YY1: variants seen among roughly 807,000 people sequenced by gnomAD.
YY1 encodes the protein transcriptional repressor protein YY1.
Under a neutral mutation model 35.6 loss-of-function variants are expected in YY1, and 2 were observed. The observed-to-expected ratio is 0.06, with a 90% CI of 0.02 to 0.18. The LOEUF (loss-of-function observed/expected upper bound fraction) is 0.18, where lower values mean the gene tolerates loss of function less well. YY1 is among the 10% of genes least tolerant of loss of function. The pLI is 1.00. For synonymous variants in YY1, 268 were observed against 238.9 expected, an observed-to-expected ratio of 1.12 and a Z score of -1.12; for missense variants, 322 against 573.4, an observed-to-expected ratio of 0.56 and a Z score of 4.48.
rs554732655 is a variant in YY1, at chr14:100,268,918, G to A, written c.843-5780G>A. Among the ~76,000 whole-genome samples the A allele has an allele frequency of 3.9e-4, 60 of 152,338 alleles. 2 individuals carry two copies. In the South Asian group the frequency reaches 0.012, roughly 32 times the overall value. The stretch of plus-strand genomic sequence containing the variant: ...CCCTTTCTGGGATATTTGCAGATCT[G>A]TTGGTTAGAACTTCGGTTTACACAA... On this transcript the variant is annotated intron_variant, in intron 2 of 4. Transcript: ENST00000262238.
chr14:100,258,261 A>AG lies in YY1; in HGVS notation c.680-4038dup, dbSNP rs574022541. ...CCAGGCTAGAGGGATGGGCACGTGC[A>AG]GGGGGTGTCAGTAGGAGCAGGCAGC... On this transcript the variant is annotated intron_variant, in intron 1 of 4. Transcript: ENST00000262238. Among the ~76,000 whole-genome samples the AG allele has an allele frequency of 1.1e-3, 171 of 152,338 alleles. 1 individual carries two copies. The highest frequency in any genetic ancestry group is 3.4e-3 in the Middle Eastern group (1 of 294).
At position 100,277,817 on chromosome 14, in the gene YY1, C is replaced by T. The variant is rs1233777234; in HGVS notation, c.*217C>T. The T allele has an allele frequency of 5.3e-6, 3 of 565,334 alleles. No homozygotes were observed. The highest frequency in any genetic ancestry group is 2.2e-5 in the South Asian group (1 of 44,790). 35.0% of individuals were successfully genotyped at this position (565,334 alleles called of 1,614,324 possible). A position where few individuals can be genotyped will look rare whatever the true frequency, so the allele number is the denominator to read the frequency against. On this transcript the variant is annotated 3_prime_UTR_variant, in exon 5 of 5. Transcript: ENST00000262238. The surrounding 1 kb of genome is among the most constrained non-coding windows in gnomAD (Gnocchi z 5.6). ...GATGCTCTATCTTGCTCTGTAATCT[C>T]GTTTCAAAAACACAGTGTTTTTGTA...
intron 2 of YY1, among the ~76,000 whole-genome samples, chr14:100,268,543 G>A (rs1335423165): frequency 1.3e-5 from 2 of 151,930 alleles, no homozygotes; most frequent in African/African-American, 4.8e-5. Flanking sequence ...ATCCCAAATG[G>A]GTATTTTTGT....
rs1566765700 is a variant in YY1 at position 100,239,463 on chromosome 14, C to G, written c.219C>G (p.His73Gln). ...ACGGGCACGCCGGCCACCACCACCA[C>G]CACCATCACCACCACCACCACCCGC... ...GGHGHAGHHH[H>Q]HHHHHHHPPM... Residue 73 changes from histidine to glutamine, a missense_variant, in exon 1 of 5, where the codon CAC becomes CAG. By Grantham distance (24) the His-to-Gln change is conservative. Around this residue, in one of 4 missense-constraint regions of YY1, gnomAD observed 137 missense variants for 167.0 expected, o/e 0.82. Coordinates refer to ENST00000262238, the MANE Select transcript of YY1 (RefSeq NM_003403.5). 1.2e-6 allele frequency: 2 copies of G among 1,600,970 alleles called. No individual in the cohort carries two copies. The highest frequency in any genetic ancestry group is 3.4e-5 in the Admixed American group (2 of 59,180).
At chr14:100,240,778 A>G (rs1442860695) in intron 1 of YY1, among the ~76,000 whole-genome samples, 1 of 149,464 alleles carries the variant, frequency 6.7e-6, no homozygotes, top group East Asian at 1.9e-4. Context: ...ATTCTTAGTC[A>G]CTTACGTTTT....
rs1891336382 is a variant in YY1, at chr14:100,277,313, T to G, written c.1063-105T>G. On this transcript the variant is annotated intron_variant, in intron 4 of 4. Coordinates refer to ENST00000262238, the MANE Select transcript of YY1 (RefSeq NM_003403.5). The surrounding 1 kb of genome is among the most constrained non-coding windows in gnomAD (Gnocchi z 5.6). ...TCACCCAGGGCAGGAATGAAAAGTG[T>G]TTGGTAAAATAAATAGGCTGTTCTC... The G allele has an allele frequency of 7.2e-7, 1 of 1,385,382 alleles. No homozygotes were observed. Among genetic ancestry groups the G allele is most frequent in the Non-Finnish European group, 1.0e-6 (1 of 979,870 alleles). The allele number at this position is 1,385,382 out of a possible 1,614,324, so 85.8% of individuals were successfully genotyped here.
At chr14:100,271,485 T>G (rs189843160) in intron 2 of YY1, among the ~76,000 whole-genome samples, 5 of 152,284 alleles carry the variant, frequency 3.3e-5, no homozygotes, top group African/African-American at 1.2e-4. Context: ...TTAAAAAAAC[T>G]TGCTAACTGG....
rs57547470 is a variant in YY1 at position 100,278,133 on chromosome 14, TAA to T, written c.*544_*545del. 7.4e-5 allele frequency: 11 copies of T among 149,050 alleles called. No homozygotes were observed. Among genetic ancestry groups the T allele is most frequent in the African/African-American group, 2.5e-4 (10 of 40,396 alleles). 9.2% of individuals were successfully genotyped at this position (149,050 alleles called of 1,614,324 possible). Reference sequence around the variant, plus strand: ...TGCATACTTCAAAAGTATTTTCCTGTAAAAAAAAAAAAGTTATATAGGTTTTG... The same window carrying T: ...TGCATACTTCAAAAGTATTTTCCTGTAAAAAAAAAAGTTATATAGGTTTTG... On this transcript the variant is annotated 3_prime_UTR_variant, in exon 5 of 5. Coordinates refer to ENST00000262238, the MANE Select transcript of YY1 (RefSeq NM_003403.5).
chr14:100,248,420 C>T (rs1002111271), intron 1 of YY1, among the ~76,000 whole-genome samples: 1 of 152,066 alleles, frequency 6.6e-6, no homozygotes, highest in African/African-American at 2.4e-5. Flanking sequence ...CTGTACCCAG[C>T]CTACTCAATT....
At chr14:100,260,621 C>T (rs1169257845) in intron 1 of YY1, among the ~76,000 whole-genome samples, 11 of 150,946 alleles carry the variant, frequency 7.3e-5, no homozygotes, top group African/African-American at 9.7e-5. Context: ...TACAGGTGCC[C>T]GCCACCACGC....
At chr14:100,256,171 AT>A (rs1390226331) in intron 1 of YY1, among the ~76,000 whole-genome samples, 1 of 151,928 alleles carries the variant, frequency 6.6e-6, no homozygotes, top group African/African-American at 2.4e-5. Flanking sequence ...TATGCCAGTG[AT>A]TCTCACAGAT....
intron 1 of YY1, among the ~76,000 whole-genome samples, chr14:100,244,894 C>G (rs2139568406): frequency 1.3e-5 from 2 of 151,120 alleles, no homozygotes; most frequent in Middle Eastern, 6.9e-3. Context: ...TTGTCATACA[C>G]ATGTTTAGTT....
chr14:100,251,912 A>C (rs1890930997), intron 1 of YY1, among the ~76,000 whole-genome samples: 1 of 151,878 alleles, frequency 6.6e-6, no homozygotes, highest in Non-Finnish European at 1.5e-5. Context: ...ACAGGTGTGA[A>C]CTCCTGTGCC....
chr14:100,276,348 T>G lies in YY1; in HGVS notation c.904-142T>G. 1 of 1,112,220 alleles carries G rather than the reference T, an allele frequency of 9.0e-7. No homozygotes were observed. Among genetic ancestry groups the G allele is most frequent in the Non-Finnish European group, 1.3e-6 (1 of 766,632 alleles). The allele number at this position is 1,112,220 out of a possible 1,614,324, so 68.9% of individuals were successfully genotyped here. On this transcript the variant is annotated intron_variant, in intron 3 of 4. Coordinates refer to ENST00000262238, the MANE Select transcript of YY1 (RefSeq NM_003403.5). The surrounding 1 kb of genome is among the most constrained non-coding windows in gnomAD (Gnocchi z 4.1). ...CTTTTTGTCTTAAATGATATTAATG[T>G]TCTACCGTAATACTAAGTAAAATTA... is the stretch of plus-strand genomic sequence containing the variant.
intron 2 of YY1, among the ~76,000 whole-genome samples, chr14:100,270,202 G>A (rs1308095746): frequency 7.3e-6 from 1 of 136,808 alleles, no homozygotes; most frequent in Non-Finnish European, 1.5e-5. Context: ...GGCGGAGCTT[G>A]CAGTGAGCCA....
rs1407266373 is a variant in YY1, at chr14:100,280,049, T to G, written c.*2449T>G. 2 of 152,244 alleles carry G rather than the reference T, an allele frequency of 1.3e-5. No individual in the cohort carries two copies. The allele number at this position is 152,244 out of a possible 1,614,324, so 9.4% of individuals were successfully genotyped here. A position where few individuals can be genotyped will look rare whatever the true frequency, so the allele number is the denominator to read the frequency against. On this transcript the variant is annotated 3_prime_UTR_variant, in exon 5 of 5. Transcript: ENST00000262238. ...GTCTTCTCAGTCTGCAGAGTTAACTTCTGTAAGGAGTTTAATCTGGGGTTC... is the reference window on the plus strand; with the variant it reads ...GTCTTCTCAGTCTGCAGAGTTAACTGCTGTAAGGAGTTTAATCTGGGGTTC...
At chr14:100,271,651 C>T (rs1461309279) in intron 2 of YY1, among the ~76,000 whole-genome samples, 1 of 151,560 alleles carries the variant, frequency 6.6e-6, no homozygotes, top group East Asian at 1.9e-4. Flanking sequence ...ACCTTATACA[C>T]ATAGCCTGAA....
Position 100,282,068 on chromosome 14 carries a change from A to G in YY1, c.*4468A>G, listed in dbSNP as rs1012800777. The G allele has an allele frequency of 2.6e-5, 4 of 152,246 alleles. No homozygotes were observed. The highest frequency in any genetic ancestry group is 9.6e-5 in the African/African-American group (4 of 41,456). The allele number at this position is 152,246 out of a possible 1,614,324, so 9.4% of individuals were successfully genotyped here. ...AGCTGAGCGTTAGCATCAGGTCAGC[A>G]GGCAAAGCAAACCTCCCACAAACTG... On this transcript the variant is annotated 3_prime_UTR_variant, in exon 5 of 5. Coordinates refer to ENST00000262238, the MANE Select transcript of YY1 (RefSeq NM_003403.5).
In YY1 at chr14:100,279,377, G is replaced by A. The variant is rs1891377603; in HGVS notation, c.*1777G>A. 1 of 152,250 alleles carries A rather than the reference G, an allele frequency of 6.6e-6. No individual in the cohort carries two copies. Among genetic ancestry groups the A allele is most frequent in the African/African-American group, 2.4e-5 (1 of 41,460 alleles). 9.4% of individuals were successfully genotyped at this position (152,250 alleles called of 1,614,324 possible). Reference sequence around the variant, plus strand: ...CTTCTCCATCGGTCCTGTACAGGAGGATTGGTGACCTACTAACAGTGACCC... The same window carrying A: ...CTTCTCCATCGGTCCTGTACAGGAGAATTGGTGACCTACTAACAGTGACCC... On this transcript the variant is annotated 3_prime_UTR_variant, in exon 5 of 5. Coordinates refer to ENST00000262238, the MANE Select transcript of YY1 (RefSeq NM_003403.5).
Sources: gnomAD v4.1 joint callset for allele counts (sites outside exome capture counted in the v4.1 genomes callset) on GRCh38, gnomAD v4.1.1 for gene constraint, gnomAD v4.1.1 regional missense constraint, Gnocchi (gnomAD v3.1) non-coding constraint, MANE v1.5 for transcripts, NCBI Gene and HGNC (gene_info 2026-07-23, HGNC 2026-07-21) for gene names.